Variants in ESR2 observed in about 807,000 individuals in gnomAD.
ESR2 encodes estrogen receptor beta.
In ESR2, 36 loss-of-function variants were observed where a neutral mutation model predicts 49.6. That is an observed-to-expected ratio of 0.73 (90% CI 0.56 to 0.96). The LOEUF is 0.96. ESR2 is among the 40% of genes least tolerant of loss of function. ESR2 has a pLI of 0.00. For missense variants in ESR2, 714 were observed against 693.0 expected, an observed-to-expected ratio of 1.03 and a Z score of -0.34; for synonymous variants, 320 against 266.1, an observed-to-expected ratio of 1.20 and a Z score of -1.97.
At chr14:64,242,387 C>T (rs1330853536) in intron 7 of ESR2, among the ~76,000 whole-genome samples, 3 of 143,868 alleles carry the variant, frequency 2.1e-5, no homozygotes, top group East Asian at 2.0e-4. Flanking sequence ...CCAGCCTGGG[C>T]GGAGAGTGAG....
At chr14:64,269,034 G>C (rs1298863394) in intron 3 of ESR2, 123 bp from the exon 4 acceptor site, 3 of 634,038 alleles carry the variant, frequency 4.7e-6, no homozygotes, top group Non-Finnish European at 5.6e-6. Context: ...TTAATGACCA[G>C]TACAGGTACA....
intron 1 of ESR2, among the ~76,000 whole-genome samples, chr14:64,292,983 TAAG>T (rs1161963176): frequency 6.6e-6 from 1 of 152,278 alleles, no homozygotes; most frequent in Non-Finnish European, 1.5e-5. Flanking sequence ...GCTTTTAAAA[TAAG>T]AATGTTTCAG....
intron 7 of ESR2, among the ~76,000 whole-genome samples, chr14:64,244,478 T>C (rs533196859): frequency 2.6e-5 from 4 of 151,658 alleles, no homozygotes; most frequent in East Asian, 3.9e-4. Context: ...CACCGTCCAA[T>C]TGGCTGAGTG....
At chr14:64,335,899 G>A (rs2077524481) in intron 1 of ESR2, 2 of 148,246 alleles carry the variant, frequency 1.3e-5, no homozygotes, top group Non-Finnish European at 3.0e-5. Flanking sequence ...CCACCTCCCG[G>A]GTTCAAGTGA....
chr14:64,227,629 C>T (rs192894852), downstream of ESR2: 766 of 1,613,646 alleles, frequency 4.7e-4, 1 homozygote, highest in Admixed American at 6.8e-4. Flanking sequence ...AGTAGAGATG[C>T]GGGACAAGTC....
At chr14:64,321,778 C>T (rs2077327202) in intron 1 of ESR2, among the ~76,000 whole-genome samples, 1 of 152,148 alleles carries the variant, frequency 6.6e-6, no homozygotes, top group African/African-American at 2.4e-5. Context: ...ATGGAACTGG[C>T]AGCCATTATC....
chr14:64,310,061 G>A (rs2077166677), intron 1 of ESR2, among the ~76,000 whole-genome samples: 1 of 151,896 alleles, frequency 6.6e-6, no homozygotes, highest in Admixed American at 6.6e-5. Context: ...ACTGCAGCCT[G>A]GGCGACAGAG....
intron 7 of ESR2, among the ~76,000 whole-genome samples, chr14:64,246,919 A>C (rs1303977382): frequency 6.6e-6 from 1 of 152,108 alleles, no homozygotes; most frequent in East Asian, 1.9e-4. Flanking sequence ...AGGTAAGGCC[A>C]GATTGAGACT....
rs149489911 is a variant in ESR2, at chr14:64,317,122, C to T, written c.-91+20776G>A. Among the ~76,000 whole-genome samples, 78 of 152,124 alleles carry T rather than the reference C, an allele frequency of 5.1e-4. 1 individual carries two copies. In the East Asian group the frequency reaches 0.013, roughly 26 times the overall value. On this transcript the variant is annotated intron_variant, in intron 1 of 8. Coordinates refer to the ESR2 transcript ENST00000358599. ...TCTACCAAAAAATACAAAAATTAGC[C>T]GGGTGTGGTGGCACACACCTGTAGT...
intron 1 of ESR2, among the ~76,000 whole-genome samples, chr14:64,283,747 C>CAAAAAA (rs757997424): frequency 1.1e-4 from 5 of 45,548 alleles, no homozygotes; most frequent in Non-Finnish European, 1.9e-4. Flanking sequence ...GACCCTGTCT[C>CAAAAAA]AAAAAAAAAA....
intron 3 of ESR2, among the ~76,000 whole-genome samples, chr14:64,279,256 C>G (rs1398244119): frequency 6.6e-6 from 1 of 152,148 alleles, no homozygotes; most frequent in Non-Finnish European, 1.5e-5. Flanking sequence ...CAAGTTGTGG[C>G]CTGACCACCT....
At chr14:64,299,033 G>A (rs1024066817), upstream of ESR2, among the ~76,000 whole-genome samples, 3 of 151,764 alleles carry the variant, frequency 2.0e-5, no homozygotes, top group Admixed American at 6.6e-5. Context: ...AGAAATGGCG[G>A]CAAATTGTAA....
At chr14:64,292,951 A>G (rs1342342431) in intron 1 of ESR2, among the ~76,000 whole-genome samples, 2 of 152,210 alleles carry the variant, frequency 1.3e-5, no homozygotes, top group Admixed American at 6.5e-5. Context: ...AGCAAGACTT[A>G]AGTGTTAACA....
intron 1 of ESR2, among the ~76,000 whole-genome samples, chr14:64,331,990 C>T (rs1375103733): frequency 6.6e-6 from 1 of 152,086 alleles, no homozygotes; most frequent in Non-Finnish European, 1.5e-5. Context: ...TCCCTAGAGC[C>T]TCACTCTGTA....
At chr14:64,267,206 A>G (rs1273759200) in intron 4 of ESR2, among the ~76,000 whole-genome samples, 1 of 152,216 alleles carries the variant, frequency 6.6e-6, no homozygotes, top group Admixed American at 6.5e-5. Context: ...GAAAAAAACC[A>G]AACTTGTCTT....
At chr14:64,335,990 TGTG>T (rs2077526683) in intron 1 of ESR2, 6 of 144,456 alleles carry the variant, frequency 4.2e-5, no homozygotes, top group African/African-American at 1.6e-4. Context: ...TGTGTGTGTG[TGTG>T]TGTGTGTGTG....
At chr14:64,258,186 G>T (rs1449418904) in intron 5 of ESR2, among the ~76,000 whole-genome samples, 1 of 151,058 alleles carries the variant, frequency 6.6e-6, no homozygotes, top group Non-Finnish European at 1.5e-5. Context: ...TCCAGCCTGG[G>T]CAACAGAGCG....
Position 64,233,010 on chromosome 14 carries a change from A to T in ESR2, c.*127T>A. 1 of 1,456,780 alleles carries T rather than the reference A, an allele frequency of 6.9e-7. No homozygotes were observed. Among genetic ancestry groups the T allele is most frequent in the Non-Finnish European group, 9.0e-7 (1 of 1,105,024 alleles). 90.2% of individuals were successfully genotyped at this position (1,456,780 alleles called of 1,614,324 possible). ...GGGAAGGTGGAGGGAAGGATGGTAC[A>T]TGACCAAGCCTGCCATCACCAAATG... On this transcript the variant is annotated 3_prime_UTR_variant, in exon 9 of 9. Coordinates refer to ENST00000341099, the MANE Select transcript of ESR2 (RefSeq NM_001437.3).
chr14:64,227,854 C>T (rs756808216), downstream of ESR2: 1 of 1,592,202 alleles, frequency 6.3e-7, no homozygotes, highest in Non-Finnish European at 8.5e-7. Context: ...CTTTCATTGC[C>T]CACATGCAAG....
Sources: allele counts gnomAD v4.1 joint callset (sites outside exome capture counted in the v4.1 genomes callset), GRCh38; gene constraint gnomAD v4.1.1; transcripts MANE v1.5; gene names NCBI Gene and HGNC (gene_info 2026-07-23, HGNC 2026-07-21).